The following CCSER1 variants were observed in gnomAD, a reference collection of about 807,000 sequenced individuals.
CCSER1 encodes the protein coiled-coil serine rich protein 1.
A neutral mutation model predicts 82.0 loss-of-function variants in CCSER1; 41 were observed. The ratio of observed to expected loss-of-function variants is 0.50; its 90% CI spans 0.39 to 0.65. The LOEUF is 0.65. Among genes scored for constraint, CCSER1 ranks in the 30% least tolerant of loss-of-function variants. CCSER1 has a pLI of 0.00. For missense variants in CCSER1, 1,119 were observed against 1,064.2 expected, an observed-to-expected ratio of 1.05 and a Z score of -0.72; for synonymous variants, 414 against 383.9, an observed-to-expected ratio of 1.08 and a Z score of -0.92.
At chr4:90,539,315 A>G (rs997223808) in intron 5 of CCSER1, among the ~76,000 whole-genome samples, 7 of 152,068 alleles carry the variant, frequency 4.6e-5, no homozygotes, top group Non-Finnish European at 8.8e-5. Context: ...ATATAGTCCT[A>G]AGGAAGACAG....
intron 10 of CCSER1, among the ~76,000 whole-genome samples, chr4:91,149,963 CT>C (rs926265537): frequency 2.0e-5 from 3 of 151,866 alleles, no homozygotes; most frequent in Admixed American, 2.0e-4. Flanking sequence ...GCAATGCAGG[CT>C]TTTTTTTGGT....
At chr4:91,164,125 G>A (rs1201299809) in intron 10 of CCSER1, among the ~76,000 whole-genome samples, 1 of 152,072 alleles carries the variant, frequency 6.6e-6, no homozygotes, top group African/African-American at 2.4e-5. Context: ...GGCAGGCCTG[G>A]TGGTGACAAA....
chr4:91,070,204 T>C (rs1230119263), intron 9 of CCSER1, among the ~76,000 whole-genome samples: 1 of 152,060 alleles, frequency 6.6e-6, no homozygotes, highest in Non-Finnish European at 1.5e-5. Context: ...CCAGACTGTT[T>C]AGAACTCTTA....
chr4:90,843,093 A>G (rs545733228), intron 8 of CCSER1, among the ~76,000 whole-genome samples: 12 of 152,312 alleles, frequency 7.9e-5, no homozygotes, highest in East Asian at 7.7e-4. Flanking sequence ...TTAAGGCCCA[A>G]CTTTTCACCA....
chr4:90,838,934 A>T (rs142912668), intron 8 of CCSER1: 6 of 1,529,682 alleles, frequency 3.9e-6, no homozygotes, highest in South Asian at 1.1e-5. Flanking sequence ...CTCCTGTTCA[A>T]TCGTTTCTTT....
chr4:91,161,236 G>T (rs891623063), intron 10 of CCSER1, among the ~76,000 whole-genome samples: 3 of 151,960 alleles, frequency 2.0e-5, no homozygotes, highest in Non-Finnish European at 4.4e-5. Context: ...TATTTCCAAG[G>T]CCTCTGTTTA....
At chr4:91,383,452 C>A (rs28393430) in intron 10 of CCSER1, among the ~76,000 whole-genome samples, 264 of 152,010 alleles carry the variant, frequency 1.7e-3, no homozygotes, top group African/African-American at 6.2e-3. Context: ...AACAGTACTC[C>A]TTTAAAGCCT....
intron 9 of CCSER1, among the ~76,000 whole-genome samples, chr4:91,067,177 A>G (rs1467762930): frequency 9.2e-5 from 14 of 152,070 alleles, no homozygotes; most frequent in Non-Finnish European, 2.1e-4. Context: ...AAGAAAAAAA[A>G]AAGAATAGGC....
chr4:90,515,125 G>A (rs1020933963), intron 5 of CCSER1, among the ~76,000 whole-genome samples: 2 of 151,956 alleles, frequency 1.3e-5, no homozygotes, highest in Non-Finnish European at 2.9e-5. Context: ...CAAAGTGCTG[G>A]GATTACAGGC....
chr4:90,965,857 C>G lies in CCSER1; in HGVS notation c.2172+42410C>G, dbSNP rs182177943. 5.2e-3 allele frequency among the ~76,000 whole-genome samples: 793 copies of G among 152,076 alleles called. 10 individuals are homozygous for G. The highest frequency in any genetic ancestry group is 0.018 in the African/African-American group (743 of 41,430). On this transcript the variant is annotated intron_variant, in intron 9 of 10. Transcript: ENST00000509176. ...ATTTAAGAAGTGATGGAAGCCATGT[C>G]TAAAGAACTAAACGAAAGTGCTTTT...
intron 6 of CCSER1, among the ~76,000 whole-genome samples, chr4:90,698,124 C>G (rs1737324342): frequency 6.6e-6 from 1 of 152,026 alleles, no homozygotes; most frequent in Admixed American, 6.6e-5. Context: ...AGCTAGAAAG[C>G]TTTCATAGTA....
At chr4:91,293,081 T>C (rs1743880786) in intron 10 of CCSER1, among the ~76,000 whole-genome samples, 1 of 151,968 alleles carries the variant, frequency 6.6e-6, no homozygotes, top group Admixed American at 6.6e-5. Context: ...AAAAATAATT[T>C]GCCTGTTTTT....
chr4:90,844,968 G>A (rs937202253), intron 8 of CCSER1, among the ~76,000 whole-genome samples: 2 of 152,204 alleles, frequency 1.3e-5, no homozygotes, highest in Non-Finnish European at 2.9e-5. Context: ...ATGAATTGGT[G>A]TGGAGCTATT....
At chr4:90,639,403 A>G (rs1183923469) in intron 6 of CCSER1, among the ~76,000 whole-genome samples, 2 of 152,102 alleles carry the variant, frequency 1.3e-5, no homozygotes, top group Non-Finnish European at 1.5e-5. Flanking sequence ...TTTTCTGGAC[A>G]TACTCAATTA....
At chr4:91,593,360 G>A (rs1011034980) in intron 10 of CCSER1, among the ~76,000 whole-genome samples, 5 of 148,678 alleles carry the variant, frequency 3.4e-5, no homozygotes, top group African/African-American at 9.9e-5. Context: ...TGTACTTGAT[G>A]TTATAAGAAA....
chr4:90,935,400 A>G (rs964080868), intron 9 of CCSER1, among the ~76,000 whole-genome samples: 3 of 152,070 alleles, frequency 2.0e-5, no homozygotes, highest in Non-Finnish European at 4.4e-5. Flanking sequence ...TTTTTGCCAC[A>G]AGTGGAAGTA....
chr4:91,144,924 C>T (rs1406786465), intron 10 of CCSER1, among the ~76,000 whole-genome samples: 1 of 151,898 alleles, frequency 6.6e-6, no homozygotes, highest in Non-Finnish European at 1.5e-5. Context: ...CAGATGAGAA[C>T]ATACATTGTT....
intron 7 of CCSER1, among the ~76,000 whole-genome samples, chr4:90,744,589 T>G (rs1747098231): frequency 6.6e-6 from 1 of 152,164 alleles, no homozygotes; most frequent in South Asian, 2.1e-4. Flanking sequence ...TTACAGATGA[T>G]CTAGACCAGG....
At chr4:90,625,163 C>A (rs895144480) in intron 5 of CCSER1, among the ~76,000 whole-genome samples, 7 of 152,116 alleles carry the variant, frequency 4.6e-5, no homozygotes, top group Admixed American at 1.3e-4. Context: ...AACAGAAGAG[C>A]ACCTGAATCT....
Sources: allele counts gnomAD v4.1 joint callset (sites outside exome capture counted in the v4.1 genomes callset), GRCh38; gene constraint gnomAD v4.1.1; transcripts MANE v1.5; gene names NCBI Gene and HGNC (gene_info 2026-07-23, HGNC 2026-07-21).